Variants in DSTYK observed in about 807,000 individuals in gnomAD.
DSTYK encodes the protein dual serine/threonine and tyrosine protein kinase.
In DSTYK, 34 loss-of-function variants were observed where a neutral mutation model predicts 98.7. That is an observed-to-expected ratio of 0.34 (90% confidence interval 0.26 to 0.46). The LOEUF is 0.46. DSTYK is among the 20% of genes least tolerant of loss of function. DSTYK has a pLI of 1.00. For missense variants in DSTYK, 962 were observed against 1,181.7 expected (o/e 0.81, Z 2.73); for synonymous variants, 462 against 457.3 (o/e 1.01, Z -0.13).
At chr1:205,202,860 G>T in intron 1 of DSTYK, 1 of 367,542 alleles carries the variant, frequency 2.7e-6, no homozygotes, top group South Asian at 3.9e-5. Context: ...ACAGGTATAA[G>T]GTAAAATTCA....
intron 2 of DSTYK, among the ~76,000 whole-genome samples, chr1:205,183,155 G>T (rs1359233492): frequency 6.6e-6 from 1 of 151,708 alleles, no homozygotes; most frequent in African/African-American, 2.4e-5. Context: ...CATCAGATTT[G>T]TAAGAAGAAA....
At chr1:205,205,734 C>T (rs1455568845) in intron 1 of DSTYK, among the ~76,000 whole-genome samples, 1 of 152,064 alleles carries the variant, frequency 6.6e-6, no homozygotes, top group Admixed American at 6.6e-5. Flanking sequence ...AGTGAGCCAC[C>T]GCGCCCAGCC....
chr1:205,202,736 A>T (rs569346841), intron 1 of DSTYK: 258 of 749,866 alleles, frequency 3.4e-4, no homozygotes, highest in Admixed American at 1.2e-3. Flanking sequence ...CTTATGACAC[A>T]GGAGTAAATT....
Position 205,163,552 on chromosome 1 carries a change from C to T in DSTYK, c.1557+171G>A, listed in dbSNP as rs554499637. 1.3e-3 allele frequency among the ~76,000 whole-genome samples: 199 copies of T among 152,262 alleles called. 1 individual carries two copies. Among genetic ancestry groups the T allele is most frequent in the South Asian group, 4.0e-3 (19 of 4,810 alleles). ...TCAACTTAACTGCAGTTTTACAGCTCACCAACATCTCCCACAGGCAGTGGT... is the reference window on the plus strand; with the variant it reads ...TCAACTTAACTGCAGTTTTACAGCTTACCAACATCTCCCACAGGCAGTGGT... On this transcript the variant is annotated intron_variant, in intron 4 of 12. Coordinates refer to ENST00000367162, the MANE Select transcript of DSTYK (RefSeq NM_015375.3).
In DSTYK at chr1:205,163,969, G is replaced by A. The variant is rs374984270; in HGVS notation, c.1325-14C>T. 1.9e-6 allele frequency: 3 copies of A among 1,607,110 alleles called. No individual in the cohort carries two copies. The highest frequency in any genetic ancestry group is 2.7e-5 in the African/African-American group (2 of 74,752). ...GGACAATGACGTCTATGGAGGCAGA[G>A]AAATAAGCTGAATAGTTGTGAGGAA... On this transcript the variant is annotated splice_polypyrimidine_tract_variant and intron_variant, in intron 3 of 12. Coordinates refer to ENST00000367162, the MANE Select transcript of DSTYK (RefSeq NM_015375.3).
At chr1:205,167,012 A>C (rs747529553) in intron 3 of DSTYK, among the ~76,000 whole-genome samples, 3 of 152,234 alleles carry the variant, frequency 2.0e-5, no homozygotes, top group Non-Finnish European at 2.9e-5. Flanking sequence ...AAATAACTAT[A>C]ATAAAAGATA....
chr1:205,201,768 C>T (rs1221663674), intron 1 of DSTYK, among the ~76,000 whole-genome samples: 1 of 152,038 alleles, frequency 6.6e-6, no homozygotes, highest in Admixed American at 6.6e-5. Flanking sequence ...AGCTATCATA[C>T]AAAAGAAAAG....
rs1658006247 is a variant in DSTYK at position 205,169,868 on chromosome 1, G to A, written c.655-36C>T. On this transcript the variant is annotated intron_variant, in intron 2 of 12. Transcript: ENST00000367162. This position sits in a 1 kb window ranked among gnomAD's most constrained non-coding sequence, Gnocchi z 4.0. ...AAGGGGGTCATATATCAGCGCCTCA[G>A]GGTCAGAACCAATCCCTGTCTCCCC... The A allele has an allele frequency of 6.4e-7, 1 of 1,561,282 alleles. No individual in the cohort carries two copies. The highest frequency in any genetic ancestry group is 2.2e-5 in the East Asian group (1 of 44,460).
Position 205,153,094 on chromosome 1 carries a change from C to A in DSTYK, c.2353-2300G>T, listed in dbSNP as rs564257248. On this transcript the variant is annotated intron_variant, in intron 10 of 12. Transcript: ENST00000367162. ...GAGTTTCCTAAAGTCCCTGTAGTTT[C>A]CTTTCCTAAAGGTCGAAGAGAATAA... Among the ~76,000 whole-genome samples the A allele has an allele frequency of 5.3e-5, 8 of 152,286 alleles. No individual in the cohort carries two copies. In the East Asian group the frequency reaches 1.4e-3, roughly 26 times the overall value.
In DSTYK at chr1:205,147,542, A is replaced by G. The variant is rs759096364; in HGVS notation, c.*16T>C. 2.5e-6 allele frequency: 4 copies of G among 1,597,226 alleles called. No individual in the cohort carries two copies. The East Asian group carries it at 9.0e-5, about 36-fold the overall frequency. On this transcript the variant is annotated 3_prime_UTR_variant, in exon 13 of 13. Transcript: ENST00000367162. Reference sequence around the variant, plus strand: ...GAAGGAAATAACTAGAGAGTGAAAGAGAAAGGTCTTTGCTTTCAAGTAGAA... The same window carrying G: ...GAAGGAAATAACTAGAGAGTGAAAGGGAAAGGTCTTTGCTTTCAAGTAGAA...
chr1:205,157,158 T>G, intron 10 of DSTYK, 115 bp downstream of exon 10: 1 of 791,322 alleles, frequency 1.3e-6, no homozygotes, highest in Non-Finnish European at 2.1e-6. Context: ...GAGAATGGAC[T>G]AATACACTTT....
At chr1:205,167,021 T>C (rs1657909170) in intron 3 of DSTYK, among the ~76,000 whole-genome samples, 1 of 152,190 alleles carries the variant, frequency 6.6e-6, no homozygotes, top group South Asian at 2.1e-4. Flanking sequence ...TAATAAAAGA[T>C]AGAAAGTGAA....
intron 1 of DSTYK, among the ~76,000 whole-genome samples, chr1:205,210,972 G>A (rs962597325): frequency 3.3e-5 from 5 of 152,142 alleles, no homozygotes; most frequent in Non-Finnish European, 5.9e-5. Context: ...TCCGAACGCC[G>A]GCCCGCCCCA....
At chr1:205,157,148 G>A (rs1053146366) in intron 10 of DSTYK, 125 bp downstream of exon 10, 1 of 716,392 alleles carries the variant, frequency 1.4e-6, no homozygotes, top group Non-Finnish European at 2.4e-6. Flanking sequence ...CTAGCAGCGT[G>A]AGAATGGACT....
intron 1 of DSTYK, among the ~76,000 whole-genome samples, chr1:205,199,842 A>C (rs1400736705): frequency 6.6e-6 from 1 of 152,062 alleles, no homozygotes; most frequent in Non-Finnish European, 1.5e-5. Context: ...AACCACATCC[A>C]CCCATAGCTC....
At chr1:205,203,695 C>T (rs1404505042) in intron 1 of DSTYK, among the ~76,000 whole-genome samples, 1 of 152,042 alleles carries the variant, frequency 6.6e-6, no homozygotes, top group African/African-American at 2.4e-5. Context: ...GCAGGTGGAT[C>T]ACCTGAGGTC....
intron 1 of DSTYK, among the ~76,000 whole-genome samples, chr1:205,204,043 C>T (rs1283854344): frequency 6.6e-6 from 1 of 152,140 alleles, no homozygotes; most frequent in Admixed American, 6.6e-5. Flanking sequence ...GTTAGGGAGG[C>T]CATTTCCTCC....
At position 205,187,433 on chromosome 1, in the gene DSTYK, G is replaced by A; in HGVS notation, c.639C>T (p.His213=). 6.2e-7 allele frequency: 1 copy of A among 1,611,448 alleles called. No homozygotes were observed. Among genetic ancestry groups the A allele is most frequent in the Non-Finnish European group, 8.5e-7 (1 of 1,178,138 alleles). Residue 213 remains histidine, a synonymous_variant, in exon 2 of 13, where the codon CAC becomes CAT. Transcript: ENST00000367162. ...AGATTGGTACCTGTAAGAGAGCATG[G>A]TGCATCGTTACCTCCAGTTCCGCTA... ...HVLAELEVTM[H]HALLQEVDVV... is the part of the protein sequence containing the mutation.
chr1:205,209,452 T>C (rs923423436), intron 1 of DSTYK, among the ~76,000 whole-genome samples: 1 of 151,868 alleles, frequency 6.6e-6, no homozygotes, highest in African/African-American at 2.4e-5. Flanking sequence ...CAGGACAGTA[T>C]ATTTCTGGAC....
Sources: allele counts gnomAD v4.1 joint callset (sites outside exome capture counted in the v4.1 genomes callset), GRCh38; gene constraint gnomAD v4.1.1; non-coding constraint Gnocchi (gnomAD v3.1); transcripts MANE v1.5; gene names NCBI Gene and HGNC (gene_info 2026-07-23, HGNC 2026-07-21).